Variants in PCDH7 observed in about 807,000 individuals in gnomAD.
PCDH7 encodes protocadherin-7.
In PCDH7, 17 loss-of-function variants were observed where a neutral mutation model predicts 58.9. That is an observed-to-expected ratio of 0.29 (90% confidence interval 0.20 to 0.43). PCDH7 has a LOEUF of 0.43. PCDH7 is among the 20% of genes least tolerant of loss of function. The probability of loss-of-function intolerance (pLI) is 1.00; values close to 1 mark genes in which losing one functional copy is unlikely to be tolerated. For synonymous variants in PCDH7, 664 were observed against 616.4 expected (o/e 1.08, Z -1.14); for missense variants, 1,274 against 1,441.0 (o/e 0.88, Z 1.88).
In PCDH7 at chr4:30,988,555, A is replaced by G. The variant is rs1578497616; in HGVS notation, c.*7+38340A>G. Among the ~76,000 whole-genome samples the G allele has an allele frequency of 2.0e-5, 3 of 152,340 alleles. 1 individual carries two copies. The highest frequency in any genetic ancestry group is 3.4e-3 in the Middle Eastern group (1 of 294). ...GATTGTTGAAACAAGAAATATAAATATATTCAATTTCTATATTTGTGAACT... is the reference window on the plus strand; with the variant it reads ...GATTGTTGAAACAAGAAATATAAATGTATTCAATTTCTATATTTGTGAACT... On this transcript the variant is annotated intron_variant, in intron 3 of 3. Coordinates refer to the PCDH7 transcript ENST00000509759.
Position 30,746,992 on chromosome 4 carries a change from C to T in PCDH7, c.70+22396C>T, listed in dbSNP as rs568224099. On this transcript the variant is annotated intron_variant, in intron 1 of 3. Transcript: ENST00000509759. ...TATAGTAGTGAATTCTTTAGTGAAT[C>T]AGAATACAGCAGTATAATGAATCAT... is the stretch of plus-strand genomic sequence containing the variant. 4.2e-4 allele frequency among the ~76,000 whole-genome samples: 64 copies of T among 152,220 alleles called. 3 individuals carry two copies. The highest frequency in any genetic ancestry group is 1.4e-3 in the African/African-American group (59 of 41,534).
At position 30,810,232 on chromosome 4, in the gene PCDH7, T is replaced by A. The variant is rs1471615367; in HGVS notation, c.70+85636T>A. Among the ~76,000 whole-genome samples, 3 of 152,280 alleles carry A rather than the reference T, an allele frequency of 2.0e-5. No individual in the cohort carries two copies. The East Asian group carries it at 5.8e-4, about 29-fold the overall frequency. On this transcript the variant is annotated intron_variant, in intron 1 of 3. Transcript: ENST00000509759. ...TAATAGACTATCTGTCTCACTAGACTGAGACATCTTGTAACATATAGTTCC... is the reference window on the plus strand; with the variant it reads ...TAATAGACTATCTGTCTCACTAGACAGAGACATCTTGTAACATATAGTTCC...
intron 3 of PCDH7, among the ~76,000 whole-genome samples, chr4:31,121,296 T>C (rs1207240127): frequency 1.3e-5 from 2 of 152,216 alleles, no homozygotes; most frequent in African/African-American, 4.8e-5. Context: ...ATATAAATTA[T>C]CTATCTTTTT....
chr4:30,804,672 G>C (rs1725961212), intron 1 of PCDH7, among the ~76,000 whole-genome samples: 2 of 152,246 alleles, frequency 1.3e-5, no homozygotes, highest in South Asian at 4.1e-4. Context: ...GAATCTGCTG[G>C]TGCCTTGCTC....
At chr4:30,745,218 C>T (rs1003382254) in intron 1 of PCDH7, among the ~76,000 whole-genome samples, 3 of 150,854 alleles carry the variant, frequency 2.0e-5, no homozygotes, top group Admixed American at 6.7e-5. Flanking sequence ...TTCCTAAAAA[C>T]AGTCACGTAA....
At chr4:30,842,326 T>G (rs1036482184) in intron 1 of PCDH7, among the ~76,000 whole-genome samples, 1 of 152,136 alleles carries the variant, frequency 6.6e-6, no homozygotes, top group African/African-American at 2.4e-5. Flanking sequence ...TAAGATAAAT[T>G]TGAATAAATG....
chr4:30,951,897 TC>T (rs1747406937), intron 3 of PCDH7, among the ~76,000 whole-genome samples: 1 of 152,118 alleles, frequency 6.6e-6, no homozygotes, highest in South Asian at 2.1e-4. Context: ...GGGCAATGAT[TC>T]CACCTTATGT....
At chr4:30,816,821 C>T (rs1727737897) in intron 1 of PCDH7, among the ~76,000 whole-genome samples, 1 of 152,024 alleles carries the variant, frequency 6.6e-6, no homozygotes, top group Non-Finnish European at 1.5e-5. Context: ...GGATATTTAT[C>T]AGAAAGAATA....
chr4:30,726,328 A>G (rs1182885902), intron 1 of PCDH7, among the ~76,000 whole-genome samples: 4 of 152,040 alleles, frequency 2.6e-5, no homozygotes, highest in Non-Finnish European at 4.4e-5. Flanking sequence ...TCTTATCCTA[A>G]TGGTACTTCT....
At chr4:30,878,101 A>C (rs1227922109) in intron 1 of PCDH7, among the ~76,000 whole-genome samples, 3 of 152,140 alleles carry the variant, frequency 2.0e-5, no homozygotes, top group Admixed American at 6.6e-5. Flanking sequence ...ACCCAACATA[A>C]CACTGGCTTA....
chr4:30,931,644 G>T (rs900605533), intron 2 of PCDH7, among the ~76,000 whole-genome samples: 2 of 151,696 alleles, frequency 1.3e-5, no homozygotes, highest in African/African-American at 4.8e-5. Flanking sequence ...AGATTTAACA[G>T]AATTGAGACA....
intron 3 of PCDH7, among the ~76,000 whole-genome samples, chr4:31,035,920 G>A (rs1431192640): frequency 6.6e-6 from 1 of 152,150 alleles, no homozygotes; most frequent in African/African-American, 2.4e-5. Context: ...TTCCTTGGCT[G>A]ACATCACTAA....
chr4:30,874,869 G>T (rs1736099592), intron 1 of PCDH7, among the ~76,000 whole-genome samples: 1 of 151,870 alleles, frequency 6.6e-6, no homozygotes, highest in Non-Finnish European at 1.5e-5. Context: ...CAGCAAGACT[G>T]TTGGAGCTTT....
chr4:31,016,428 T>C (rs1158486950), intron 3 of PCDH7, among the ~76,000 whole-genome samples: 2 of 149,570 alleles, frequency 1.3e-5, no homozygotes, highest in East Asian at 4.0e-4. Flanking sequence ...AACATCACTA[T>C]TGCTTTTATT....
rs141245002 is a variant in PCDH7 at position 31,100,782 on chromosome 4, T to C, written c.*8-41691T>C. Among the ~76,000 whole-genome samples the C allele has an allele frequency of 1.8e-4, 28 of 152,300 alleles. No homozygotes were observed. In the South Asian group the frequency reaches 3.9e-3, roughly 21 times the overall value. ...AGGGAAAGAGAACTGTGGCCTGATATAAACTGTTTGTACTTGAAGTTATAG... is the reference window on the plus strand; with the variant it reads ...AGGGAAAGAGAACTGTGGCCTGATACAAACTGTTTGTACTTGAAGTTATAG... On this transcript the variant is annotated intron_variant, in intron 3 of 3. Transcript: ENST00000509759.
chr4:30,804,806 G>A (rs1321989686), intron 1 of PCDH7, among the ~76,000 whole-genome samples: 1 of 152,092 alleles, frequency 6.6e-6, no homozygotes, highest in Non-Finnish European at 1.5e-5. Flanking sequence ...ACTAAAATAA[G>A]GTCTCTGACT....
intron 3 of PCDH7, among the ~76,000 whole-genome samples, chr4:31,093,727 A>G (rs926906934): frequency 1.3e-5 from 2 of 152,140 alleles, no homozygotes; most frequent in Non-Finnish European, 2.9e-5. Flanking sequence ...AATCAATTTA[A>G]TAATTCTTGG....
chr4:30,778,260 C>T (rs1015130755), intron 1 of PCDH7, among the ~76,000 whole-genome samples: 4 of 152,100 alleles, frequency 2.6e-5, no homozygotes, highest in Admixed American at 1.3e-4. Flanking sequence ...TTTAATTAAA[C>T]TAATACATCA....
intron 3 of PCDH7, among the ~76,000 whole-genome samples, chr4:31,121,190 G>A (rs935775808): frequency 6.6e-6 from 1 of 152,110 alleles, no homozygotes; most frequent in African/African-American, 2.4e-5. Context: ...TTTACATCCA[G>A]GTGCTGCAAG....
Sources: allele counts gnomAD v4.1 joint callset (sites outside exome capture counted in the v4.1 genomes callset), GRCh38; gene constraint gnomAD v4.1.1; transcripts MANE v1.5; gene names NCBI Gene and HGNC (gene_info 2026-07-23, HGNC 2026-07-21).